VWA5B2: variants seen among roughly 807,000 people sequenced by gnomAD.
VWA5B2 encodes the protein von Willebrand factor A domain containing 5B2.
A neutral mutation model predicts 118.5 loss-of-function variants in VWA5B2; 93 were observed. That is an observed-to-expected ratio of 0.79 (90% CI 0.66 to 0.93). VWA5B2 has a LOEUF of 0.93. Among genes scored for constraint, VWA5B2 ranks in the 40% least tolerant of loss-of-function variants. The pLI, the probability that VWA5B2 is intolerant of heterozygous loss-of-function variation, is 0.00. For synonymous variants in VWA5B2, 708 were observed against 716.3 expected (o/e 0.99, Z 0.19); for missense variants, 1,546 against 1,672.8 (o/e 0.92, Z 1.32).
intron 3 of VWA5B2, among the ~76,000 whole-genome samples, 192 bp downstream of exon 3, chr3:184,231,109 A>T (rs1351069581): frequency 6.6e-6 from 1 of 152,148 alleles, no homozygotes; most frequent in East Asian, 1.9e-4. Context: ...CATGGCCCGG[A>T]GGTTCACAGC....
In VWA5B2 at chr3:184,234,274, A is replaced by C. The variant is rs1295401027; in HGVS notation, c.697A>C (p.Ser233Arg). 6.4e-7 allele frequency: 1 copy of C among 1,551,498 alleles called. No individual in the cohort carries two copies. Among genetic ancestry groups the C allele is most frequent in the South Asian group, 1.2e-5 (1 of 84,058 alleles). The change falls in exon 6 of 20, where the codon AGC becomes CGC. Residue 233 changes from serine to arginine, a missense_variant. By Grantham distance (110) the Ser-to-Arg change is moderately radical. This residue lies in a region of VWA5B2 where 775 missense variants were observed against 882.3 expected (regional missense o/e 0.88). Transcript: ENST00000691901. ...TGPCLLAGLE[S>R]PSHALRADAP... ...GCCTCTATGTCCCTCAGGCCTGGAG[A>C]GCCCCTCTCATGCTCTGCGGGCAGA... is the stretch of plus-strand genomic sequence containing the variant.
At position 184,237,875 on chromosome 3, in the gene VWA5B2, C is replaced by T. The variant is rs545761582; in HGVS notation, c.1720-428C>T. ...GATTTGAGCAAGTCACTTCACCTCA[C>T]TGACCCATTTCCTCATATGGAAATG... On this transcript the variant is annotated intron_variant, in intron 12 of 19. Coordinates refer to ENST00000691901, the MANE Select transcript of VWA5B2 (RefSeq NM_001390846.1). This position sits in a 1 kb window ranked among gnomAD's most constrained non-coding sequence, Gnocchi z 5.6. 5.9e-5 allele frequency among the ~76,000 whole-genome samples: 9 copies of T among 152,230 alleles called. No homozygotes were observed. The highest frequency in any genetic ancestry group is 1.0e-4 in the Non-Finnish European group (7 of 68,050).
intron 16 of VWA5B2, 114 bp downstream of exon 16, chr3:184,240,150 A>C (rs909999304): frequency 1.2e-6 from 1 of 824,528 alleles, no homozygotes; most frequent in East Asian, 2.8e-5. Context: ...AAAGGATTTG[A>C]GGCTCATCAC....
In VWA5B2 at chr3:184,241,285, C is replaced by T. The variant is rs1718599490; in HGVS notation, c.3061C>T (p.Arg1021Cys). The T allele has an allele frequency of 2.6e-6, 4 of 1,551,234 alleles. No individual in the cohort carries two copies. The African/African-American group carries it at 4.1e-5, about 16-fold the overall frequency. ...CCCTGCCACTCCCACGGAAGGTCCT[C>T]GCCGCCCACCTCCCCGTCCTCCCTG... The part of the protein sequence containing the change: ...GDPATPTEGP[R>C]RPPPRPPCRL... The change falls in exon 19 of 20, where the codon CGC becomes TGC. Residue 1021 changes from arginine to cysteine, a missense_variant. This residue lies in a region of VWA5B2 where 763 missense variants were observed against 766.6 expected (regional missense o/e 1.00). Transcript: ENST00000691901. The surrounding 1 kb of genome is among the most constrained non-coding windows in gnomAD (Gnocchi z 5.1).
rs542606490 is a variant in VWA5B2, at chr3:184,240,022, C to T, written c.2726C>T (p.Thr909Ile). Residue 909 changes from threonine to isoleucine, a missense_variant, in exon 16 of 20, where the codon ACC becomes ATC. This residue lies in a region of VWA5B2 where 763 missense variants were observed against 766.6 expected (regional missense o/e 1.00). Transcript: ENST00000691901. Reference protein sequence around the residue: ...EQLALRGGAETTADRGHARRC... With the variant: ...EQLALRGGAEITADRGHARRC... ...CTGGCCCTCCGAGGAGGGGCAGAGA[C>T]CACAGCTGACCGGGGTGAGTTGCTC... The T allele has an allele frequency of 3.6e-5, 56 of 1,539,874 alleles. No individual in the cohort carries two copies. The highest frequency in any genetic ancestry group is 8.4e-5 in the South Asian group (7 of 83,020).
In VWA5B2 at chr3:184,241,772, G is replaced by T. The variant is rs1356708252; in HGVS notation, c.3463G>T (p.Glu1155Ter). 3 of 1,485,176 alleles carry T rather than the reference G, an allele frequency of 2.0e-6. No homozygotes were observed. The highest frequency in any genetic ancestry group is 1.8e-4 in the Middle Eastern group (1 of 5,504). The allele number at this position is 1,485,176 out of a possible 1,614,324, so 92.0% of individuals were successfully genotyped here. The change falls in exon 20 of 20, where the codon GAA (glutamate) becomes TAA (stop). Residue 1155 changes from glutamate to a stop codon, truncating the protein, a stop_gained. Coordinates refer to ENST00000691901, the MANE Select transcript of VWA5B2 (RefSeq NM_001390846.1). LOFTEE classifies it high-confidence loss of function. The surrounding 1 kb of genome is among the most constrained non-coding windows in gnomAD (Gnocchi z 5.1). ...GSDTEASEGA[E>*]GLGGTDLRGR... Reference sequence around the variant, plus strand: ...AGACACCGAGGCCTCCGAGGGGGCGGAAGGGCTGGGCGGCACCGACCTGCG... The same window carrying T: ...AGACACCGAGGCCTCCGAGGGGGCGTAAGGGCTGGGCGGCACCGACCTGCG...
At chr3:184,231,335 G>A (rs189911969) in intron 3 of VWA5B2, among the ~76,000 whole-genome samples, 3 of 152,058 alleles carry the variant, frequency 2.0e-5, no homozygotes, top group Admixed American at 6.5e-5. Context: ...CAAGGCCCTC[G>A]CTCTCACCCC....
At position 184,237,544 on chromosome 3, in the gene VWA5B2, C is replaced by T; in HGVS notation, c.1719+133C>T. The T allele has an allele frequency of 1.0e-6, 1 of 959,710 alleles. No individual in the cohort carries two copies. Among genetic ancestry groups the T allele is most frequent in the Non-Finnish European group, 1.5e-6 (1 of 659,448 alleles). 59.4% of individuals were successfully genotyped at this position (959,710 alleles called of 1,614,324 possible). On this transcript the variant is annotated intron_variant, in intron 12 of 19. Coordinates refer to ENST00000691901, the MANE Select transcript of VWA5B2 (RefSeq NM_001390846.1). This position sits in a 1 kb window ranked among gnomAD's most constrained non-coding sequence, Gnocchi z 5.6. Reference sequence around the variant, plus strand: ...CTCTCTACCAAGCTTCTCTACTATCCCCTAGGACTCCACAGAGATCACACT... The same window carrying T: ...CTCTCTACCAAGCTTCTCTACTATCTCCTAGGACTCCACAGAGATCACACT...
chr3:184,242,040 G>T lies in VWA5B2; in HGVS notation c.*2G>T, dbSNP rs765686641. 3.1e-5 allele frequency: 48 copies of T among 1,548,702 alleles called. No individual in the cohort carries two copies. Among genetic ancestry groups the T allele is most frequent in the Non-Finnish European group, 4.2e-5 (48 of 1,146,948 alleles). Reference sequence around the variant, plus strand: ...TGCTACAGCCCAGCGAACGTGTGAAGGCTGCCCCCTGCTGCTTGGGCTGGC... The same window carrying T: ...TGCTACAGCCCAGCGAACGTGTGAATGCTGCCCCCTGCTGCTTGGGCTGGC... On this transcript the variant is annotated 3_prime_UTR_variant, in exon 20 of 20. Transcript: ENST00000691901.
chr3:184,241,421 TGGAGGGTGGTGCCGCCGG>T lies in VWA5B2; in HGVS notation c.3180+20_3180+37del. The T allele has an allele frequency of 6.4e-7, 1 of 1,574,484 alleles. No homozygotes were observed. Among genetic ancestry groups the T allele is most frequent in the Non-Finnish European group, 8.6e-7 (1 of 1,159,098 alleles). ...CTGCCCTTGGTGAGGACTCGGGAGG[TGGAGGGTGGTGCCGCCGG>T]GGCCGGGCGCTGTTTCAGCTCGCTT... On this transcript the variant is annotated intron_variant, in intron 19 of 19. Transcript: ENST00000691901. The surrounding 1 kb of genome is among the most constrained non-coding windows in gnomAD (Gnocchi z 5.1).
Position 184,238,514 on chromosome 3 carries a change from G to A in VWA5B2, c.1891+40G>A. 6.5e-7 allele frequency: 1 copy of A among 1,534,804 alleles called. No homozygotes were observed. ...GTATGTGTGTGGCTGTATTGGAGTG[G>A]GCGCTGGGAGGGGTCAGGGCTAGGG... On this transcript the variant is annotated intron_variant, in intron 13 of 19. Coordinates refer to ENST00000691901, the MANE Select transcript of VWA5B2 (RefSeq NM_001390846.1). The surrounding 1 kb of genome is among the most constrained non-coding windows in gnomAD (Gnocchi z 5.0).
Position 184,241,473 on chromosome 3 carries a change from A to C in VWA5B2, c.3181-17A>C, listed in dbSNP as rs1488547501. ...GCTGTTTCAGCTCGCTTCTCCCCCC[A>C]CCTCCTCTCTCCTCAGGTGCGGCTG... On this transcript the variant is annotated splice_polypyrimidine_tract_variant and intron_variant, in intron 19 of 19. Transcript: ENST00000691901. The surrounding 1 kb of genome is among the most constrained non-coding windows in gnomAD (Gnocchi z 5.1). 1 of 1,549,022 alleles carries C rather than the reference A, an allele frequency of 6.5e-7. No homozygotes were observed. Among genetic ancestry groups the C allele is most frequent in the Non-Finnish European group, 8.7e-7 (1 of 1,144,536 alleles).
rs762794485 is a variant in VWA5B2, at chr3:184,237,177, T to C, written c.1534-49T>C. On this transcript the variant is annotated intron_variant, in intron 11 of 19. Coordinates refer to ENST00000691901, the MANE Select transcript of VWA5B2 (RefSeq NM_001390846.1). This position sits in a 1 kb window ranked among gnomAD's most constrained non-coding sequence, Gnocchi z 5.6. Reference sequence around the variant, plus strand: ...GCAGCCTTCCTGCTCTGTCTGGCCGTATGACACCTCTTTCCTTCCCATGTC... The same window carrying C: ...GCAGCCTTCCTGCTCTGTCTGGCCGCATGACACCTCTTTCCTTCCCATGTC... The C allele has an allele frequency of 1.3e-6, 2 of 1,534,778 alleles. No homozygotes were observed. Among genetic ancestry groups the C allele is most frequent in the South Asian group, 1.2e-5 (1 of 82,434 alleles).
chr3:184,241,988 G>A lies in VWA5B2; in HGVS notation c.3679G>A (p.Asp1227Asn), dbSNP rs775354198. The A allele has an allele frequency of 6.5e-7, 1 of 1,550,376 alleles. No homozygotes were observed. The highest frequency in any genetic ancestry group is 8.7e-7 in the Non-Finnish European group (1 of 1,146,954). ...GCTCTTCCTGCTACTGCGCCACTGG[G>A]ACCAAAACCTGCAGCTACACCTGCT... Reference protein sequence around the residue: ...RGLFLLLRHWDQNLQLHLLCY... With the variant: ...RGLFLLLRHWNQNLQLHLLCY... Residue 1227 changes from aspartate (D) to asparagine (N), a missense_variant, in exon 20 of 20, where the codon GAC becomes AAC. Asp to Asn is a conservative substitution (Grantham distance 23). Coordinates refer to ENST00000691901, the MANE Select transcript of VWA5B2 (RefSeq NM_001390846.1). This position sits in a 1 kb window ranked among gnomAD's most constrained non-coding sequence, Gnocchi z 5.1.
Position 184,234,266 on chromosome 3 carries a change from G to T in VWA5B2, c.689G>T (p.Gly230Val). The T allele has an allele frequency of 6.4e-7, 1 of 1,551,558 alleles. No homozygotes were observed. The highest frequency in any genetic ancestry group is 8.7e-7 in the Non-Finnish European group (1 of 1,146,982). The change falls in exon 6 of 20, where the codon GGC (glycine) becomes GTC (valine). Residue 230 changes from glycine to valine, a missense_variant and splice_region_variant. This residue lies in a region of VWA5B2 where 775 missense variants were observed against 882.3 expected (regional missense o/e 0.88). Transcript: ENST00000691901. The part of the protein sequence containing the change: ...MLVTGPCLLA[G>V]LESPSHALRA... Reference sequence around the variant, plus strand: ...CCCTTCCTGCCTCTATGTCCCTCAGGCCTGGAGAGCCCCTCTCATGCTCTG... The same window carrying T: ...CCCTTCCTGCCTCTATGTCCCTCAGTCCTGGAGAGCCCCTCTCATGCTCTG...
rs762344344 is a variant in VWA5B2 at position 184,233,732 on chromosome 3, A to C, written c.687A>C (p.Ala229=). Residue 229 remains alanine, a splice_region_variant and synonymous_variant, in exon 5 of 20, where the codon GCA becomes GCC. Transcript: ENST00000691901. This position sits in a 1 kb window ranked among gnomAD's most constrained non-coding sequence, Gnocchi z 5.2. ...EMLVTGPCLL[A]GLESPSHALR... is the part of the protein sequence containing the mutation. ...TGGTGACTGGGCCATGCCTGCTTGC[A>C]GGTGGGTGCATCTGGCTGGCCTGCC... 89 of 1,549,982 alleles carry C rather than the reference A, an allele frequency of 5.7e-5. No homozygotes were observed. Among genetic ancestry groups the C allele is most frequent in the Non-Finnish European group, 7.1e-5 (81 of 1,146,912 alleles).
In VWA5B2 at chr3:184,241,135, G is replaced by T; in HGVS notation, c.2962+28G>T. The T allele has an allele frequency of 6.4e-7, 1 of 1,551,586 alleles. No homozygotes were observed. The highest frequency in any genetic ancestry group is 8.7e-7 in the Non-Finnish European group (1 of 1,146,956). On this transcript the variant is annotated intron_variant, in intron 18 of 19. Transcript: ENST00000691901. This position sits in a 1 kb window ranked among gnomAD's most constrained non-coding sequence, Gnocchi z 5.1. ...AACACCCAAAGGTAGGGAAAGGGTA[G>T]GGGCACTTGGGCTTAGAGACCGCCC...
Position 184,241,850 on chromosome 3 carries a change from G to C in VWA5B2, c.3541G>C (p.Ala1181Pro), listed in dbSNP as rs746536838. ...VALAWLEHRC[A>P]AAFDEWELTA... ...ACTCGCCTGGCTGGAGCACCGATGC[G>C]CCGCTGCCTTCGACGAGTGGGAACT... The change falls in exon 20 of 20, where the codon GCC becomes CCC. Residue 1181 changes from alanine to proline, a missense_variant. By Grantham distance (27) the Ala-to-Pro change is conservative. Around this residue, in one of 3 missense-constraint regions of VWA5B2, gnomAD observed 763 missense variants for 766.6 expected, o/e 1.00. Transcript: ENST00000691901. This position sits in a 1 kb window ranked among gnomAD's most constrained non-coding sequence, Gnocchi z 5.1. 1 of 1,540,118 alleles carries C rather than the reference G, an allele frequency of 6.5e-7. No homozygotes were observed. The highest frequency in any genetic ancestry group is 8.7e-7 in the Non-Finnish European group (1 of 1,143,864).
chr3:184,241,290 C>G lies in VWA5B2; in HGVS notation c.3066C>G (p.Arg1022=), dbSNP rs1286507076. The change falls in exon 19 of 20, where the codon CGC becomes CGG. Residue 1022 remains arginine, a synonymous_variant. Coordinates refer to ENST00000691901, the MANE Select transcript of VWA5B2 (RefSeq NM_001390846.1). The surrounding 1 kb of genome is among the most constrained non-coding windows in gnomAD (Gnocchi z 5.1). Reference sequence around the variant, plus strand: ...CCACTCCCACGGAAGGTCCTCGCCGCCCACCTCCCCGTCCTCCCTGTCGGC... The same window carrying G: ...CCACTCCCACGGAAGGTCCTCGCCGGCCACCTCCCCGTCCTCCCTGTCGGC... ...DPATPTEGPR[R]PPPRPPCRLS... The G allele has an allele frequency of 2.6e-6, 4 of 1,551,304 alleles. No individual in the cohort carries two copies. Among genetic ancestry groups the G allele is most frequent in the Non-Finnish European group, 3.5e-6 (4 of 1,146,988 alleles).
Sources: gnomAD v4.1 joint callset for allele counts (sites outside exome capture counted in the v4.1 genomes callset) on GRCh38, gnomAD v4.1.1 for gene constraint, gnomAD v4.1.1 regional missense constraint, Gnocchi (gnomAD v3.1) non-coding constraint, MANE v1.5 for transcripts, NCBI Gene and HGNC (gene_info 2026-07-23, HGNC 2026-07-21) for gene names.